Variants in GLDN observed in about 807,000 individuals in gnomAD.
GLDN encodes gliomedin.
Under a neutral mutation model 56.5 loss-of-function variants are expected in GLDN, and 47 were observed. The observed-to-expected ratio is 0.83, with a 90% CI of 0.66 to 1.06. GLDN has a LOEUF of 1.06. Ranked by LOEUF, GLDN falls within the 50% of genes least tolerant of loss-of-function variation. The pLI is 0.00. For missense variants in GLDN, 782 were observed against 714.3 expected, an observed-to-expected ratio of 1.09 and a Z score of -1.08; for synonymous variants, 332 against 278.8, an observed-to-expected ratio of 1.19 and a Z score of -1.90.
At chr15:51,363,347 C>G (rs903075727) in intron 1 of GLDN, among the ~76,000 whole-genome samples, 3 of 152,144 alleles carry the variant, frequency 2.0e-5, no homozygotes, top group Admixed American at 1.3e-4. Flanking sequence ...GTATTGTGAG[C>G]CTTTTGTGCC....
intron 1 of GLDN, among the ~76,000 whole-genome samples, chr15:51,359,244 A>G (rs960982444): frequency 1.3e-5 from 2 of 152,236 alleles, no homozygotes; most frequent in Admixed American, 6.5e-5. Flanking sequence ...AACCGGACCT[A>G]GGAAAATTCT....
chr15:51,349,864 C>G (rs1260870163), intron 1 of GLDN, among the ~76,000 whole-genome samples: 1 of 151,986 alleles, frequency 6.6e-6, no homozygotes, highest in African/African-American at 2.4e-5. Context: ...CTCAGCCTCC[C>G]GAGTAGCTGG....
chr15:51,342,789 AGT>A (rs2036910320), intron 1 of GLDN, among the ~76,000 whole-genome samples: 2 of 152,128 alleles, frequency 1.3e-5, no homozygotes, highest in Non-Finnish European at 2.9e-5. Context: ...GAAATTGCCA[AGT>A]GTGTGTGCCT....
rs963867809 is a variant in GLDN at position 51,396,062 on chromosome 15, C to A, written c.688+1081C>A. On this transcript the variant is annotated intron_variant, in intron 5 of 9. Coordinates refer to ENST00000335449, the MANE Select transcript of GLDN (RefSeq NM_181789.4). ...CAAACACCTCCCACAGACCCCACCT[C>A]CAACACTGGGGATTACAATTCAACA... Among the ~76,000 whole-genome samples, 3 of 152,214 alleles carry A rather than the reference C, an allele frequency of 2.0e-5. No homozygotes were observed. In the East Asian group the frequency reaches 5.8e-4, roughly 29 times the overall value.
rs1324445648 is a variant in GLDN, at chr15:51,377,470, T to C, written c.385T>C (p.Cys129Arg). 1 of 1,613,974 alleles carries C rather than the reference T, an allele frequency of 6.2e-7. No homozygotes were observed. The highest frequency in any genetic ancestry group is 1.3e-5 in the African/African-American group (1 of 74,924). Residue 129 changes from cysteine to arginine, a missense_variant, in exon 2 of 10, where the codon TGC becomes CGC. Physicochemically the swap from Cys to Arg is radical, Grantham distance 180. Transcript: ENST00000335449. Reference sequence around the variant, plus strand: ...GCAGATCCGAGTGATGGTGGACCTGTGCAACAGCACCAAGGGCATCTGCCT... The same window carrying C: ...GCAGATCCGAGTGATGGTGGACCTGCGCAACAGCACCAAGGGCATCTGCCT... ...MVPIRVMVDL[C>R]NSTKGICLTG...
chr15:51,366,961 G>A (rs1021650647), intron 1 of GLDN, among the ~76,000 whole-genome samples: 37 of 152,116 alleles, frequency 2.4e-4, no homozygotes, highest in South Asian at 2.1e-4. Context: ...AATGTGTTTC[G>A]ATAACAGTAC....
intron 1 of GLDN, among the ~76,000 whole-genome samples, chr15:51,363,690 C>T (rs577446256): frequency 9.2e-5 from 14 of 152,114 alleles, no homozygotes; most frequent in East Asian, 1.9e-4. Context: ...GCCCAGTGGG[C>T]GATCAGGAAG....
intron 1 of GLDN, among the ~76,000 whole-genome samples, chr15:51,343,111 C>T (rs1479160663): frequency 1.3e-5 from 2 of 152,192 alleles, no homozygotes; most frequent in Admixed American, 1.3e-4. Context: ...CAAGTGTGAG[C>T]CATACTTCAG....
chr15:51,380,761 T>C (rs1017682001), intron 2 of GLDN, among the ~76,000 whole-genome samples: 18 of 152,122 alleles, frequency 1.2e-4, no homozygotes, highest in African/African-American at 3.6e-4. Context: ...CCAGGTGGGG[T>C]GTGGCCCTCC....
intron 4 of GLDN, among the ~76,000 whole-genome samples, chr15:51,389,788 C>T (rs377624269): frequency 5.3e-4 from 80 of 152,284 alleles, no homozygotes; most frequent in African/African-American, 1.9e-3. Context: ...CCTAGGCTCA[C>T]AGGTTATGAG....
chr15:51,378,475 ATTACAGGCACAAAAGCCTG>A (rs2037683811), intron 2 of GLDN, among the ~76,000 whole-genome samples: 1 of 152,108 alleles, frequency 6.6e-6, no homozygotes, highest in African/African-American at 2.4e-5. Context: ...GATGGATGGA[ATTACAGGCACAAAAGCCTG>A]TTGAGAGGCA....
At chr15:51,365,785 T>A (rs2037388682) in intron 1 of GLDN, among the ~76,000 whole-genome samples, 1 of 141,148 alleles carries the variant, frequency 7.1e-6, no homozygotes, top group Non-Finnish European at 1.5e-5. Context: ...ATTCTTGGGT[T>A]CTTCTTCTGC....
chr15:51,349,775 T>C (rs1283283939), intron 1 of GLDN, among the ~76,000 whole-genome samples: 1 of 151,606 alleles, frequency 6.6e-6, no homozygotes, highest in Non-Finnish European at 1.5e-5. Context: ...AGTCTCTCTC[T>C]GTCACCCAGG....
intron 1 of GLDN, among the ~76,000 whole-genome samples, chr15:51,354,054 C>A (rs1325952855): frequency 1.3e-5 from 2 of 152,150 alleles, no homozygotes; most frequent in African/African-American, 2.4e-5. Flanking sequence ...ACACACTTTT[C>A]TTTTCTGAAA....
At chr15:51,352,131 T>C (rs2037087775) in intron 1 of GLDN, among the ~76,000 whole-genome samples, 1 of 152,100 alleles carries the variant, frequency 6.6e-6, no homozygotes, top group East Asian at 1.9e-4. Flanking sequence ...GAGTCTAACA[T>C]CTAGGTGCCG....
rs1049548921 is a variant in GLDN at position 51,404,661 on chromosome 15, A to C, written c.1563A>C (p.Ala521=). ...CCCAGTCTGTTCTTGCCATGTTAGC[A>C]TACAACATGAGAGATCAGCATTTAT... ...RTSQSVLAML[A]YNMRDQHLYS... The change falls in exon 10 of 10, where the codon GCA becomes GCC. Residue 521 remains alanine, a synonymous_variant. Coordinates refer to ENST00000335449, the MANE Select transcript of GLDN (RefSeq NM_181789.4). 1 of 1,612,092 alleles carries C rather than the reference A, an allele frequency of 6.2e-7. No individual in the cohort carries two copies. Among genetic ancestry groups the C allele is most frequent in the East Asian group, 2.2e-5 (1 of 44,888 alleles).
intron 4 of GLDN, among the ~76,000 whole-genome samples, chr15:51,387,327 T>C (rs2037918858): frequency 1.3e-5 from 2 of 152,130 alleles, no homozygotes; most frequent in South Asian, 4.1e-4. Flanking sequence ...GAGGCCAACA[T>C]CCACAGTCAA....
At chr15:51,386,211 C>T (rs1663751473) in intron 4 of GLDN, among the ~76,000 whole-genome samples, 1 of 152,192 alleles carries the variant, frequency 6.6e-6, no homozygotes, top group Non-Finnish European at 1.5e-5. Context: ...AGCCTCCACT[C>T]ATACTGAGAG....
the GLDN span, among the ~76,000 whole-genome samples, chr15:51,413,209 A>T: frequency 1.3e-5 from 2 of 152,106 alleles, no homozygotes; most frequent in African/African-American, 4.8e-5. Flanking sequence ...AGGGTTTATA[A>T]TGTGTATGTT....
Sources: allele counts gnomAD v4.1 joint callset (sites outside exome capture counted in the v4.1 genomes callset), GRCh38; gene constraint gnomAD v4.1.1; transcripts MANE v1.5; gene names NCBI Gene and HGNC (gene_info 2026-07-23, HGNC 2026-07-21).